The following MTF1 variants were observed in gnomAD, a reference collection of about 807,000 sequenced individuals.
MTF1 encodes MRE-binding transcription factor.
Under a neutral mutation model 70.4 loss-of-function variants are expected in MTF1, and 22 were observed. The observed-to-expected ratio is 0.31, with a 90% CI of 0.22 to 0.45. The LOEUF is 0.45. Ranked by LOEUF, MTF1 falls within the 20% of genes least tolerant of loss-of-function variation. The pLI is 1.00. For synonymous variants in MTF1, 333 were observed against 352.8 expected, an observed-to-expected ratio of 0.94 and a Z score of 0.63; for missense variants, 649 against 922.0, an observed-to-expected ratio of 0.70 and a Z score of 3.83.
At chr1:37,820,273 C>T (rs1269083713) in intron 9 of MTF1, among the ~76,000 whole-genome samples, 1 of 152,250 alleles carries the variant, frequency 6.6e-6, no homozygotes, top group East Asian at 1.9e-4. Flanking sequence ...GGTTCTCCAA[C>T]TTAGTACATC....
rs540500881 is a variant in MTF1 at position 37,836,379 on chromosome 1, G to A, written c.780-635C>T. On this transcript the variant is annotated intron_variant, in intron 4 of 10. Transcript: ENST00000373036. Reference sequence around the variant, plus strand: ...GAAAAATCTGCCAGTGGAACATTAGGAATATCAAGAGTAAGCAAAGTGGCT... The same window carrying A: ...GAAAAATCTGCCAGTGGAACATTAGAAATATCAAGAGTAAGCAAAGTGGCT... Among the ~76,000 whole-genome samples, 6 of 152,232 alleles carry A rather than the reference G, an allele frequency of 3.9e-5. No individual in the cohort carries two copies. In the South Asian group the frequency reaches 1.2e-3, roughly 32 times the overall value.
chr1:37,855,132 C>T (rs1389478718), intron 2 of MTF1, among the ~76,000 whole-genome samples: 1 of 152,058 alleles, frequency 6.6e-6, no homozygotes, highest in Non-Finnish European at 1.5e-5. Flanking sequence ...TGATGAGAGA[C>T]TGGGGAAAAT....
chr1:37,817,862 GA>G, intron 9 of MTF1, among the ~76,000 whole-genome samples: 1 of 152,298 alleles, frequency 6.6e-6, no homozygotes, highest in Middle Eastern at 3.4e-3. Flanking sequence ...GTACTTCTAA[GA>G]AAGCTGGAAA....
At chr1:37,850,717 G>A (rs1641405049) in intron 2 of MTF1, among the ~76,000 whole-genome samples, 1 of 152,008 alleles carries the variant, frequency 6.6e-6, no homozygotes, top group Admixed American at 6.6e-5. Context: ...GCAAGGTTCT[G>A]GTTGGTTTAT....
At chr1:37,831,281 G>A (rs1416656396) in intron 7 of MTF1, among the ~76,000 whole-genome samples, 4 of 152,184 alleles carry the variant, frequency 2.6e-5, no homozygotes, top group Non-Finnish European at 5.9e-5. Flanking sequence ...TAAAAATGCA[G>A]GTTCAGATGC....
At chr1:37,819,427 A>G (rs936460425) in intron 9 of MTF1, among the ~76,000 whole-genome samples, 3 of 152,030 alleles carry the variant, frequency 2.0e-5, no homozygotes, top group African/African-American at 7.3e-5. Context: ...GTTCCAGAAC[A>G]TTATTTATAT....
Position 37,840,314 on chromosome 1 carries a change from C to T in MTF1, c.409-156G>A, listed in dbSNP as rs943613948. 4.6e-5 allele frequency among the ~76,000 whole-genome samples: 7 copies of T among 152,156 alleles called. No individual in the cohort carries two copies. Among genetic ancestry groups the T allele is most frequent in the African/African-American group, 1.7e-4 (7 of 41,426 alleles). On this transcript the variant is annotated intron_variant, in intron 2 of 10. Transcript: ENST00000373036. The surrounding 1 kb of genome is among the most constrained non-coding windows in gnomAD (Gnocchi z 4.5). ...AGCCTCTAGCAGCAAAGTGGAAAAA[C>T]CTTATTGTTGATCAAATCATACCTG...
intron 2 of MTF1, among the ~76,000 whole-genome samples, chr1:37,847,567 C>T (rs1641351996): frequency 6.6e-6 from 1 of 152,142 alleles, no homozygotes; most frequent in South Asian, 2.1e-4. Flanking sequence ...GCCCCAAATG[C>T]CCACCATGGA....
At chr1:37,829,606 C>A (rs1440886859) in intron 7 of MTF1, among the ~76,000 whole-genome samples, 1 of 151,880 alleles carries the variant, frequency 6.6e-6, no homozygotes, top group Non-Finnish European at 1.5e-5. Context: ...CATGGTGAAA[C>A]CCTGTCTCTA....
At chr1:37,821,491 A>G (rs1197874919) in intron 9 of MTF1, among the ~76,000 whole-genome samples, 4 of 152,118 alleles carry the variant, frequency 2.6e-5, no homozygotes, top group Non-Finnish European at 5.9e-5. Context: ...TGTTTTTATA[A>G]AAAATAAATC....
intron 2 of MTF1, among the ~76,000 whole-genome samples, chr1:37,846,548 G>C (rs984846468): frequency 6.6e-6 from 1 of 152,176 alleles, no homozygotes; most frequent in African/African-American, 2.4e-5. Flanking sequence ...TCTCATGCTA[G>C]TAATGGGCAC....
intron 2 of MTF1, among the ~76,000 whole-genome samples, chr1:37,848,764 C>T (rs766163147): frequency 1.3e-5 from 2 of 152,188 alleles, no homozygotes. Context: ...GCTTCTTGCT[C>T]TGGATTCCTA....
rs1640918183 is a variant in MTF1 at position 37,822,039 on chromosome 1, C to A, written c.1767+82G>T. On this transcript the variant is annotated intron_variant, in intron 9 of 10. Transcript: ENST00000373036. ...CACGGTGGATATGACAGCCACTTTT[C>A]TTTTTGAAGTAAAAGCTTCTGAACA... 2.1e-5 allele frequency: 24 copies of A among 1,160,316 alleles called. 1 individual carries two copies. In the South Asian group the frequency reaches 3.9e-4, roughly 19 times the overall value. The allele number at this position is 1,160,316 out of a possible 1,614,324, so 71.9% of individuals were successfully genotyped here. A position where few individuals can be genotyped will look rare whatever the true frequency, so the allele number is the denominator to read the frequency against.
chr1:37,838,695 T>G lies in MTF1; in HGVS notation c.709A>C (p.Ser237Arg). The change falls in exon 4 of 11, where the codon AGC (serine) becomes CGC (arginine). Residue 237 changes from serine to arginine, a missense_variant. Physicochemically the swap from Ser to Arg is moderately radical, Grantham distance 110. Transcript: ENST00000373036. ...TCACTGAGTGTGGTGAAGTATTTGCTGCAGCCTTCAGATTCACAGTTAAAC... is the reference window on the plus strand; with the variant it reads ...TCACTGAGTGTGGTGAAGTATTTGCGGCAGCCTTCAGATTCACAGTTAAAC... ...KTFNCESEGCSKYFTTLSDLR... is the reference protein window; with the variant it reads ...KTFNCESEGCRKYFTTLSDLR... 1 of 1,612,148 alleles carries G rather than the reference T, an allele frequency of 6.2e-7. No individual in the cohort carries two copies. Among genetic ancestry groups the G allele is most frequent in the Non-Finnish European group, 8.5e-7 (1 of 1,178,590 alleles).
chr1:37,835,561 A>G, intron 5 of MTF1, 110 bp downstream of exon 5: 2 of 811,776 alleles, frequency 2.5e-6, no homozygotes. Context: ...AATTATGCTC[A>G]CCTGAATATA....
intron 7 of MTF1, among the ~76,000 whole-genome samples, chr1:37,830,376 G>A (rs141470062): frequency 9.9e-5 from 15 of 151,976 alleles, no homozygotes; most frequent in South Asian, 6.2e-4. Context: ...ATATTTTTCC[G>A]TTTTAGATTT....
intron 2 of MTF1, among the ~76,000 whole-genome samples, chr1:37,842,364 A>G (rs1641268322): frequency 6.6e-6 from 1 of 152,230 alleles, no homozygotes; most frequent in Non-Finnish European, 1.5e-5. Context: ...ATTTCCATCA[A>G]TGCCCATGTA....
rs112479599 is a variant in MTF1, at chr1:37,834,970, C to T, written c.990+109G>A. On this transcript the variant is annotated intron_variant, in intron 6 of 10. Transcript: ENST00000373036. ...CACTGATCTTGACCCTGACTTCTTC[C>T]CGCTCACTAACAGATATACAGAGAA... 1.7e-5 allele frequency: 20 copies of T among 1,203,414 alleles called. 3 individuals are homozygous for T. The highest frequency in any genetic ancestry group is 1.2e-4 in the African/African-American group (8 of 66,132). The allele number at this position is 1,203,414 out of a possible 1,614,324, so 74.5% of individuals were successfully genotyped here.
At chr1:37,845,879 C>T (rs1641324532) in intron 2 of MTF1, among the ~76,000 whole-genome samples, 1 of 152,142 alleles carries the variant, frequency 6.6e-6, no homozygotes, top group African/African-American at 2.4e-5. Flanking sequence ...CCATAAAATG[C>T]TGAATAAATG....
Sources: gnomAD v4.1 joint callset for allele counts (sites outside exome capture counted in the v4.1 genomes callset) on GRCh38, gnomAD v4.1.1 for gene constraint, Gnocchi (gnomAD v3.1) non-coding constraint, MANE v1.5 for transcripts, NCBI Gene and HGNC (gene_info 2026-07-23, HGNC 2026-07-21) for gene names.